The following NBEA variants were observed in gnomAD, a reference collection of about 807,000 sequenced individuals.
The protein encoded by NBEA is lysosomal-trafficking regulator 2.
NBEA carries 44 observed loss-of-function variants against 343.4 expected under a neutral mutation model. The observed-to-expected ratio is 0.13, with a 90% CI of 0.10 to 0.16. The LOEUF is 0.16. NBEA is among the 10% of genes least tolerant of loss of function. NBEA has a pLI of 1.00. For synonymous variants in NBEA, 1,175 were observed against 1,238.7 expected (o/e 0.95, Z 1.08); for missense variants, 2,555 against 3,631.3 (o/e 0.70, Z 7.62).
intron 41 of NBEA, chr13:35,474,313 T>C (rs905572834): frequency 6.6e-6 from 1 of 152,640 alleles, no homozygotes; most frequent in East Asian, 1.9e-4. Flanking sequence ...TTTTCAAATA[T>C]ATAATTCAGA....
chr13:35,457,660 C>A (rs1368782730), intron 40 of NBEA, among the ~76,000 whole-genome samples: 1 of 152,126 alleles, frequency 6.6e-6, no homozygotes, highest in Non-Finnish European at 1.5e-5. Flanking sequence ...CCAGGCTGGA[C>A]TGCAGTGGCG....
At chr13:35,023,745 C>A (rs1246653513) in intron 1 of NBEA, among the ~76,000 whole-genome samples, 2 of 152,240 alleles carry the variant, frequency 1.3e-5, no homozygotes, top group East Asian at 3.9e-4. Flanking sequence ...CTTAGGAAGA[C>A]TGGGCAGGTC....
intron 1 of NBEA, among the ~76,000 whole-genome samples, chr13:35,026,832 G>C (rs2062034903): frequency 6.6e-6 from 1 of 151,956 alleles, no homozygotes; most frequent in Non-Finnish European, 1.5e-5. Flanking sequence ...CTGATATTTT[G>C]ACAGTTACCT....
chr13:35,588,645 A>G (rs778747012), intron 46 of NBEA, among the ~76,000 whole-genome samples: 1 of 152,162 alleles, frequency 6.6e-6, no homozygotes, highest in Non-Finnish European at 1.5e-5. Context: ...GACAGCTGCC[A>G]TTGGGCAAAT....
intron 1 of NBEA, among the ~76,000 whole-genome samples, chr13:35,036,383 T>A (rs1316568252): frequency 6.6e-6 from 1 of 152,104 alleles, no homozygotes; most frequent in Non-Finnish European, 1.5e-5. Context: ...AGTTATTATT[T>A]TTGCTTGGTT....
At chr13:35,613,608 TTTTGTTTGTTTG>T (rs139946725) in intron 48 of NBEA, among the ~76,000 whole-genome samples, 14 of 150,958 alleles carry the variant, frequency 9.3e-5, no homozygotes, top group African/African-American at 1.2e-4. Flanking sequence ...TTTTAGTTGT[TTTTGTTTGTTTG>T]TTTGTTTGTT....
chr13:35,527,584 AC>A (rs2078042313), intron 41 of NBEA, among the ~76,000 whole-genome samples: 1 of 152,086 alleles, frequency 6.6e-6, no homozygotes, highest in African/African-American at 2.4e-5. Context: ...TGTCATTGCC[AC>A]CCCAAGTACA....
intron 41 of NBEA, among the ~76,000 whole-genome samples, chr13:35,517,254 G>A (rs1046504065): frequency 6.6e-6 from 1 of 152,112 alleles, no homozygotes; most frequent in Middle Eastern, 3.4e-3. Context: ...ATCCCCAAAG[G>A]TATGTCCTTT....
At chr13:35,668,345 TG>T in intron 57 of NBEA, 22 bp from the exon 58 acceptor site, 1 of 1,553,702 alleles carries the variant, frequency 6.4e-7, no homozygotes, top group Non-Finnish European at 8.7e-7. Context: ...TTTTTTTGTT[TG>T]TTTGTTTTAC....
chr13:35,370,417 G>A (rs1045431626), intron 38 of NBEA, among the ~76,000 whole-genome samples: 1 of 151,734 alleles, frequency 6.6e-6, no homozygotes, highest in Non-Finnish European at 1.5e-5. Context: ...TTTTTAGTCT[G>A]TATGTGTCTT....
chr13:35,301,756 G>A lies in NBEA; in HGVS notation c.5839-7772G>A, dbSNP rs187621701. 2.0e-3 allele frequency among the ~76,000 whole-genome samples: 306 copies of A among 152,058 alleles called. 3 individuals are homozygous for A. Among genetic ancestry groups the A allele is most frequent in the Middle Eastern group, 6.9e-3 (2 of 290 alleles). ...ATTTCTGGTTCTAGATCCTTGAATCGCCACACTGTCTTCCACACTGGCTGA... is the reference window on the plus strand; with the variant it reads ...ATTTCTGGTTCTAGATCCTTGAATCACCACACTGTCTTCCACACTGGCTGA... On this transcript the variant is annotated intron_variant, in intron 35 of 58. Transcript: ENST00000379939.
At chr13:35,037,163 C>T (rs1268126141) in intron 1 of NBEA, among the ~76,000 whole-genome samples, 1 of 152,086 alleles carries the variant, frequency 6.6e-6, no homozygotes, top group African/African-American at 2.4e-5. Flanking sequence ...TCTGGTTGTT[C>T]CAGTCTGCTC....
intron 16 of NBEA, among the ~76,000 whole-genome samples, chr13:35,120,512 T>C (rs2066738400): frequency 6.6e-6 from 1 of 152,330 alleles, no homozygotes; most frequent in East Asian, 1.9e-4. Flanking sequence ...AATTTATATG[T>C]CTGTTTTCTA....
intron 35 of NBEA, among the ~76,000 whole-genome samples, chr13:35,295,433 A>G (rs1203273495): frequency 1.3e-5 from 2 of 152,006 alleles, no homozygotes; most frequent in East Asian, 3.9e-4. Context: ...TCTGTGATAT[A>G]ATGTCATTTC....
intron 41 of NBEA, among the ~76,000 whole-genome samples, chr13:35,507,912 G>A (rs1360795137): frequency 2.0e-5 from 3 of 152,104 alleles, no homozygotes; most frequent in African/African-American, 7.2e-5. Context: ...TCATGGTGTT[G>A]ACTGGAGTCA....
chr13:35,034,684 C>G (rs1041336853), intron 1 of NBEA, among the ~76,000 whole-genome samples: 5 of 151,560 alleles, frequency 3.3e-5, no homozygotes, highest in African/African-American at 1.2e-4. Context: ...TACTGGGAGA[C>G]TTTTATTACA....
chr13:35,098,280 C>G lies in NBEA; in HGVS notation c.1572-17C>G. On this transcript the variant is annotated splice_polypyrimidine_tract_variant and intron_variant, in intron 10 of 58. Coordinates refer to ENST00000379939, the MANE Select transcript of NBEA (RefSeq NM_001385012.1). The stretch of plus-strand genomic sequence containing the variant: ...ACATGTGATGATTACATAATGATGT[C>G]TGTACTTTACATGCAGTGCTACTCT... 6.6e-7 allele frequency: 1 copy of G among 1,508,562 alleles called. No homozygotes were observed. Among genetic ancestry groups the G allele is most frequent in the Middle Eastern group, 1.8e-4 (1 of 5,510 alleles). The allele number at this position is 1,508,562 out of a possible 1,614,324, so 93.4% of individuals were successfully genotyped here.
At chr13:35,459,356 G>C (rs1469443296) in intron 40 of NBEA, among the ~76,000 whole-genome samples, 2 of 152,090 alleles carry the variant, frequency 1.3e-5, no homozygotes, top group East Asian at 3.9e-4. Flanking sequence ...GCATTATGTA[G>C]AATTTTTCTT....
intron 41 of NBEA, among the ~76,000 whole-genome samples, chr13:35,536,650 AG>A (rs2078564018): frequency 6.6e-6 from 1 of 150,910 alleles, no homozygotes; most frequent in African/African-American, 2.5e-5. Context: ...GATAGATGAT[AG>A]ATAGATAGAT....
Sources: allele counts gnomAD v4.1 joint callset (sites outside exome capture counted in the v4.1 genomes callset), GRCh38; gene constraint gnomAD v4.1.1; transcripts MANE v1.5; gene names NCBI Gene and HGNC (gene_info 2026-07-23, HGNC 2026-07-21).